Variants in RPAP2 observed in about 807,000 individuals in gnomAD.
The protein encoded by RPAP2 is RNA polymerase II associated protein 2, also known as putative RNA polymerase II subunit B1 CTD phosphatase RPAP2.
RPAP2 carries 52 observed loss-of-function variants against 73.1 expected under a neutral mutation model. The ratio of observed to expected loss-of-function variants is 0.71; its 90% CI spans 0.57 to 0.90. The LOEUF is 0.90. Among genes scored for constraint, RPAP2 ranks in the 40% least tolerant of loss-of-function variants. RPAP2 has a pLI of 0.00. For missense variants in RPAP2, 598 were observed against 701.8 expected (o/e 0.85, Z 1.67); for synonymous variants, 225 against 242.1 (o/e 0.93, Z 0.65).
At chr1:92,310,455 T>C (rs1427352034) in intron 6 of RPAP2, among the ~76,000 whole-genome samples, 1 of 152,202 alleles carries the variant, frequency 6.6e-6, no homozygotes, top group Non-Finnish European at 1.5e-5. Flanking sequence ...CCTGAGTCAG[T>C]CTTCCTTTAG....
At chr1:92,335,330 C>G (rs1480684827) in intron 9 of RPAP2, among the ~76,000 whole-genome samples, 1 of 152,120 alleles carries the variant, frequency 6.6e-6, no homozygotes, top group Non-Finnish European at 1.5e-5. Flanking sequence ...TATTACTATT[C>G]TTTCTATTTT....
At chr1:92,369,804 AAG>A in intron 11 of RPAP2, among the ~76,000 whole-genome samples, 1 of 152,332 alleles carries the variant, frequency 6.6e-6, no homozygotes. Flanking sequence ...ACAAAAGAAA[AAG>A]AGAGGAAGCA....
rs941330648 is a variant in RPAP2, at chr1:92,387,722, C to A, written c.*711C>A. ...GGAGGAAATGACAGCTACTAAAGCC[C>A]AATCATGGAAAAGGACCAGAAAGCA... On this transcript the variant is annotated 3_prime_UTR_variant, in exon 13 of 13. Coordinates refer to ENST00000610020, the MANE Select transcript of RPAP2 (RefSeq NM_024813.3). The A allele has an allele frequency of 2.6e-5, 4 of 152,100 alleles. No homozygotes were observed. Among genetic ancestry groups the A allele is most frequent in the Non-Finnish European group, 5.9e-5 (4 of 68,028 alleles). 9.4% of individuals were successfully genotyped at this position (152,100 alleles called of 1,614,324 possible). A position where few individuals can be genotyped will look rare whatever the true frequency, so the allele number is the denominator to read the frequency against.
chr1:92,355,817 G>A (rs6603963), intron 11 of RPAP2, among the ~76,000 whole-genome samples: 131,420 of 152,216 alleles, frequency 0.86, 57,157 homozygotes, highest in East Asian at 1. Context: ...ATGTTCAACC[G>A]GTAAGTATAA....
intron 6 of RPAP2, among the ~76,000 whole-genome samples, chr1:92,316,554 AT>A (rs1651915947): frequency 6.6e-6 from 1 of 152,180 alleles, no homozygotes; most frequent in African/African-American, 2.4e-5. Context: ...CAATCATCTA[AT>A]TTATACCTTA....
rs1223809079 is a variant in RPAP2 at position 92,396,178 on chromosome 1, C to G, written c.*9167C>G. The G allele has an allele frequency of 4.0e-5, 6 of 151,392 alleles. No homozygotes were observed. The allele number at this position is 151,392 out of a possible 1,614,324, so 9.4% of individuals were successfully genotyped here. A position where few individuals can be genotyped will look rare whatever the true frequency, so the allele number is the denominator to read the frequency against. ...TTCATATTAGTCAAAAAGTGGAAAC[C>G]AAATGACCATCAACTACTGGATTTT... On this transcript the variant is annotated 3_prime_UTR_variant, in exon 13 of 13. Coordinates refer to ENST00000610020, the MANE Select transcript of RPAP2 (RefSeq NM_024813.3).
rs1656231944 is a variant in RPAP2 at position 92,398,143 on chromosome 1, G to C, written c.*11132G>C. On this transcript the variant is annotated 3_prime_UTR_variant, in exon 13 of 13. Transcript: ENST00000610020. ...CCAGCCTAGGCAATAGAGTGAGACT[G>C]TCTCAAAAAATAAAATTTTAAAATA... 6.6e-6 allele frequency: 1 copy of C among 152,152 alleles called. No homozygotes were observed. Among genetic ancestry groups the C allele is most frequent in the Admixed American group, 6.6e-5 (1 of 15,256 alleles). 9.4% of individuals were successfully genotyped at this position (152,152 alleles called of 1,614,324 possible). A position where few individuals can be genotyped will look rare whatever the true frequency, so the allele number is the denominator to read the frequency against.
At position 92,390,332 on chromosome 1, in the gene RPAP2, G is replaced by T. The variant is rs1233824787; in HGVS notation, c.*3321G>T. The T allele has an allele frequency of 3.3e-5, 5 of 152,284 alleles. No individual in the cohort carries two copies. Among genetic ancestry groups the T allele is most frequent in the Admixed American group, 3.3e-4 (5 of 15,296 alleles). 9.4% of individuals were successfully genotyped at this position (152,284 alleles called of 1,614,324 possible). Reference sequence around the variant, plus strand: ...TGAAGGAGAAATAAAATCCTTTACAGACAAGCAAATGCTGAGAGATTTTGT... The same window carrying T: ...TGAAGGAGAAATAAAATCCTTTACATACAAGCAAATGCTGAGAGATTTTGT... On this transcript the variant is annotated 3_prime_UTR_variant, in exon 13 of 13. Coordinates refer to ENST00000610020, the MANE Select transcript of RPAP2 (RefSeq NM_024813.3).
intron 5 of RPAP2, among the ~76,000 whole-genome samples, chr1:92,305,160 C>G (rs1227759094): frequency 6.7e-6 from 1 of 149,994 alleles, no homozygotes; most frequent in African/African-American, 2.5e-5. Context: ...AGACCGGGCG[C>G]CCTGGCTCAA....
At chr1:92,367,674 A>G (rs1654985065) in intron 11 of RPAP2, among the ~76,000 whole-genome samples, 1 of 152,220 alleles carries the variant, frequency 6.6e-6, no homozygotes, top group Non-Finnish European at 1.5e-5. Context: ...CAAATCTGAT[A>G]GGTACAGAAA....
At position 92,398,811 on chromosome 1, in the gene RPAP2, G is replaced by C. The variant is rs1032018876; in HGVS notation, c.*11800G>C. Reference sequence around the variant, plus strand: ...AGGTGTGGGGCAGTGACTGCGTGGGGCTGCCTGTGTGATTCCTGATAAAGA... The same window carrying C: ...AGGTGTGGGGCAGTGACTGCGTGGGCCTGCCTGTGTGATTCCTGATAAAGA... On this transcript the variant is annotated 3_prime_UTR_variant, in exon 13 of 13. Transcript: ENST00000610020. 43 of 152,234 alleles carry C rather than the reference G, an allele frequency of 2.8e-4. No homozygotes were observed. The highest frequency in any genetic ancestry group is 1.0e-3 in the African/African-American group (43 of 41,454). 9.4% of individuals were successfully genotyped at this position (152,234 alleles called of 1,614,324 possible).
chr1:92,386,303 A>T (rs1407634573), intron 12 of RPAP2, among the ~76,000 whole-genome samples: 1 of 152,194 alleles, frequency 6.6e-6, no homozygotes. Context: ...GAAGGTGTCT[A>T]GCAGAGGGGC....
Position 92,300,319 on chromosome 1 carries a change from T to C in RPAP2, c.119+80T>C, listed in dbSNP as rs1458822659. ...TGTACCAATTTTAAAACAATAATGG[T>C]TACCTTTTTTTTTTTAGAGAAAATT... On this transcript the variant is annotated intron_variant, in intron 2 of 12. Coordinates refer to ENST00000610020, the MANE Select transcript of RPAP2 (RefSeq NM_024813.3). The C allele has an allele frequency of 1.9e-5, 22 of 1,138,510 alleles. No homozygotes were observed. The East Asian group carries it at 2.6e-4, about 13-fold the overall frequency. 70.5% of individuals were successfully genotyped at this position (1,138,510 alleles called of 1,614,324 possible).
chr1:92,380,811 T>C lies in RPAP2; in HGVS notation c.1776T>C (p.His592=). 6.2e-7 allele frequency: 1 copy of C among 1,607,792 alleles called. No individual in the cohort carries two copies. The highest frequency in any genetic ancestry group is 8.5e-7 in the Non-Finnish European group (1 of 1,177,570). ...TAGACACCCTCCTTGAAGAATTACA[T>C]CTAAAAAATGAAGACCTTGAAAGTC... ...RFLDTLLEEL[H]LKNEDLESLT... Residue 592 remains histidine (H), a synonymous_variant, in exon 12 of 13, where the codon CAT becomes CAC. Coordinates refer to ENST00000610020, the MANE Select transcript of RPAP2 (RefSeq NM_024813.3).
chr1:92,373,855 G>T (rs539901735), intron 11 of RPAP2, among the ~76,000 whole-genome samples: 231 of 151,404 alleles, frequency 1.5e-3, no homozygotes, highest in African/African-American at 5.3e-3. Context: ...GGAGGCGGAG[G>T]TTGCAGTGAG....
intron 5 of RPAP2, 63 bp from the exon 6 acceptor site, chr1:92,307,125 T>C (rs1020016707): frequency 9.2e-7 from 1 of 1,091,748 alleles, no homozygotes; most frequent in Non-Finnish European, 1.4e-6. Flanking sequence ...TTTTATACTC[T>C]CAACTGTATG....
intron 8 of RPAP2, among the ~76,000 whole-genome samples, chr1:92,329,041 G>A (rs1443148362): frequency 1.3e-5 from 2 of 152,230 alleles, no homozygotes; most frequent in African/African-American, 4.8e-5. Context: ...TGGAGGTACA[G>A]GGGAGTGAAG....
intron 10 of RPAP2, among the ~76,000 whole-genome samples, chr1:92,339,448 C>T (rs1329101083): frequency 6.6e-6 from 1 of 151,966 alleles, no homozygotes; most frequent in African/African-American, 2.4e-5. Context: ...GAACCTACTG[C>T]TGTAGGGCAT....
At chr1:92,352,448 GT>G (rs11324775) in intron 11 of RPAP2, among the ~76,000 whole-genome samples, 131,150 of 151,946 alleles carry the variant, frequency 0.86, 57,023 homozygotes, top group East Asian at 1. Context: ...TCAGCAGGCT[GT>G]TTTTTTTTAA....
Sources: gnomAD v4.1 joint callset for allele counts (sites outside exome capture counted in the v4.1 genomes callset) on GRCh38, gnomAD v4.1.1 for gene constraint, MANE v1.5 for transcripts, NCBI Gene and HGNC (gene_info 2026-07-23, HGNC 2026-07-21) for gene names.